Variants in GRM7 observed in about 807,000 individuals in gnomAD.
GRM7 encodes the protein glutamate metabotropic receptor 7.
GRM7 carries 35 observed loss-of-function variants against 84.5 expected under a neutral mutation model. The observed-to-expected ratio is 0.41, with a 90% CI of 0.32 to 0.55. The LOEUF is 0.55. GRM7 is among the 20% of genes least tolerant of loss of function. The pLI, the probability that GRM7 is intolerant of heterozygous loss-of-function variation, is 0.19. For missense variants in GRM7, 1,003 were observed against 1,194.6 expected (o/e 0.84, Z 2.36); for synonymous variants, 487 against 455.1 (o/e 1.07, Z -0.89).
chr3:7,614,921 C>A (rs562213379), intron 8 of GRM7, among the ~76,000 whole-genome samples: 4 of 152,262 alleles, frequency 2.6e-5, no homozygotes, highest in African/African-American at 9.6e-5. Flanking sequence ...TCTGACTCTC[C>A]ACATTTCCTC....
chr3:7,587,193 C>T (rs1430540030), intron 8 of GRM7, among the ~76,000 whole-genome samples: 2 of 152,192 alleles, frequency 1.3e-5, no homozygotes, highest in African/African-American at 4.8e-5. Flanking sequence ...TTCTCTTTCT[C>T]CCCTCTTCCT....
intron 1 of GRM7, among the ~76,000 whole-genome samples, chr3:6,964,356 GAGTT>G (rs1282313858): frequency 6.6e-6 from 1 of 152,126 alleles, no homozygotes; most frequent in African/African-American, 2.4e-5. Flanking sequence ...GGTGGAAAGA[GAGTT>G]AGTTAGGGAG....
chr3:7,499,868 A>G (rs1699828022), intron 7 of GRM7, among the ~76,000 whole-genome samples: 1 of 150,490 alleles, frequency 6.6e-6, no homozygotes, highest in Non-Finnish European at 1.5e-5. Flanking sequence ...TCCGCCTCCC[A>G]GATTCACACC....
chr3:7,034,483 T>C (rs941835663), intron 1 of GRM7, among the ~76,000 whole-genome samples: 2 of 152,182 alleles, frequency 1.3e-5, no homozygotes, highest in African/African-American at 4.8e-5. Context: ...GATTTATAGC[T>C]ACCTTAAGAT....
At chr3:7,498,321 G>A (rs1212750692) in intron 7 of GRM7, among the ~76,000 whole-genome samples, 1 of 152,174 alleles carries the variant, frequency 6.6e-6, no homozygotes, top group East Asian at 1.9e-4. Flanking sequence ...TAGAGTTGGG[G>A]ACAGTAATTT....
At chr3:7,020,083 G>A (rs1438731220) in intron 1 of GRM7, among the ~76,000 whole-genome samples, 4 of 152,106 alleles carry the variant, frequency 2.6e-5, no homozygotes, top group African/African-American at 4.8e-5. Flanking sequence ...TCTTGACCTC[G>A]TGATTTGCCC....
chr3:7,354,472 C>G (rs1268991194), intron 4 of GRM7, among the ~76,000 whole-genome samples: 1 of 152,090 alleles, frequency 6.6e-6, no homozygotes, highest in Non-Finnish European at 1.5e-5. Flanking sequence ...GGTCACCTAA[C>G]AGTGAGGGAT....
intron 1 of GRM7, among the ~76,000 whole-genome samples, chr3:6,896,010 C>A (rs1308076354): frequency 6.6e-6 from 1 of 152,096 alleles, no homozygotes; most frequent in Non-Finnish European, 1.5e-5. Flanking sequence ...ATAATGAATG[C>A]ACCCATAAAG....
At chr3:7,594,183 T>A (rs998908015) in intron 8 of GRM7, among the ~76,000 whole-genome samples, 2 of 152,178 alleles carry the variant, frequency 1.3e-5, no homozygotes, top group African/African-American at 4.8e-5. Context: ...TCTGAGATAG[T>A]TCCCAGATAG....
chr3:7,666,908 G>GATAA (rs1292779399), intron 8 of GRM7, among the ~76,000 whole-genome samples: 1 of 152,150 alleles, frequency 6.6e-6, no homozygotes, highest in Non-Finnish European at 1.5e-5. Flanking sequence ...CAACCAGGTA[G>GATAA]ATAAATAGTT....
chr3:7,202,542 G>C (rs1317387801), intron 2 of GRM7, among the ~76,000 whole-genome samples: 1 of 152,042 alleles, frequency 6.6e-6, no homozygotes, highest in African/African-American at 2.4e-5. Flanking sequence ...TGTTAGCTGG[G>C]CTGGTCTTGA....
rs143095779 is a variant in GRM7, at chr3:7,361,476, A to G, written c.1034-53547A>G. On this transcript the variant is annotated intron_variant, in intron 4 of 9. Transcript: ENST00000357716. ...ATAGTTTCATTCCTGTTCTTTTTACATGGCATAACTGTTTGCTTTTCCAGT... is the reference window on the plus strand; with the variant it reads ...ATAGTTTCATTCCTGTTCTTTTTACGTGGCATAACTGTTTGCTTTTCCAGT... Among the ~76,000 whole-genome samples, 9 of 152,216 alleles carry G rather than the reference A, an allele frequency of 5.9e-5. No individual in the cohort carries two copies. The East Asian group carries it at 9.7e-4, about 16-fold the overall frequency.
At chr3:6,956,141 T>C (rs969469791) in intron 1 of GRM7, among the ~76,000 whole-genome samples, 5 of 152,172 alleles carry the variant, frequency 3.3e-5, no homozygotes, top group Admixed American at 3.3e-4. Context: ...CACATACAAC[T>C]AGCTTATTGC....
chr3:7,715,933 G>T (rs181319596), intron 9 of GRM7, among the ~76,000 whole-genome samples: 26 of 152,076 alleles, frequency 1.7e-4, no homozygotes, highest in African/African-American at 5.5e-4. Flanking sequence ...CTAAAAAGAG[G>T]CTGCAGGGAT....
At chr3:7,202,423 TG>T (rs1467800908) in intron 2 of GRM7, among the ~76,000 whole-genome samples, 1 of 152,108 alleles carries the variant, frequency 6.6e-6, no homozygotes, top group Admixed American at 6.6e-5. Flanking sequence ...CTCTGCCTCC[TG>T]GGTTCAAGTG....
chr3:7,625,715 T>C (rs923375673), intron 8 of GRM7, among the ~76,000 whole-genome samples: 1 of 152,184 alleles, frequency 6.6e-6, no homozygotes, highest in African/African-American at 2.4e-5. Flanking sequence ...GAATATTCCC[T>C]GTCTGCTTCT....
chr3:6,968,250 C>T (rs1693604704), intron 1 of GRM7, among the ~76,000 whole-genome samples: 1 of 152,122 alleles, frequency 6.6e-6, no homozygotes, highest in Non-Finnish European at 1.5e-5. Context: ...TCCATTGTTT[C>T]TTCACATCAT....
intron 1 of GRM7, among the ~76,000 whole-genome samples, chr3:7,081,930 A>T (rs1360757166): frequency 1.3e-5 from 2 of 152,110 alleles, no homozygotes; most frequent in East Asian, 1.9e-4. Context: ...CTACCGAAGG[A>T]AAGTTTGGAG....
chr3:6,902,869 ACACACACACACACC>A (rs1696440114), intron 1 of GRM7, among the ~76,000 whole-genome samples: 1 of 151,706 alleles, frequency 6.6e-6, no homozygotes, highest in Admixed American at 6.6e-5. Context: ...ACACACACAC[ACACACACACACACC>A]CCTACTCTAG....
Sources: gnomAD v4.1 joint callset for allele counts (sites outside exome capture counted in the v4.1 genomes callset) on GRCh38, gnomAD v4.1.1 for gene constraint, MANE v1.5 for transcripts, NCBI Gene and HGNC (gene_info 2026-07-23, HGNC 2026-07-21) for gene names.